The following ZNF600 variants were observed in gnomAD, a reference collection of about 807,000 sequenced individuals.
ZNF600 encodes the protein zinc finger protein 600, also known as zinc finger protein KR-ZNF1.
A neutral mutation model predicts 7.3 loss-of-function variants in ZNF600; 4 were observed. That is an observed-to-expected ratio of 0.55 (90% CI 0.27 to 1.25). ZNF600 has a LOEUF of 1.25. Among genes scored for constraint, ZNF600 ranks in the 50% most tolerant of loss-of-function variants. The pLI, the probability that ZNF600 is intolerant of heterozygous loss-of-function variation, is 0.12. For missense variants in ZNF600, 911 were observed against 922.1 expected (o/e 0.99, Z 0.16); for synonymous variants, 290 against 308.9 (o/e 0.94, Z 0.64).
the ZNF600 span, among the ~76,000 whole-genome samples, chr19:52,818,708 A>G: frequency 7.0e-4 from 59 of 84,418 alleles, no homozygotes; most frequent in African/African-American, 2.2e-3. Context: ...CTCAAAAATA[A>G]AAAAATACAA....
intron 1 of ZNF600, among the ~76,000 whole-genome samples, chr19:52,780,230 A>G (rs1264290123): frequency 1.3e-5 from 2 of 152,216 alleles, no homozygotes; most frequent in African/African-American, 4.8e-5. Flanking sequence ...GGGCAAAATA[A>G]ACTTTCTAAA....
chr19:52,814,389 A>C, the ZNF600 span: 7 of 146,468 alleles, frequency 4.8e-5, 1 homozygote, highest in Admixed American at 4.8e-4. Context: ...TCAGGAGTTC[A>C]AGACCAGCAT....
At chr19:52,809,817 G>A in the ZNF600 span, 72 of 305,360 alleles carry the variant, frequency 2.4e-4, no homozygotes, top group African/African-American at 1.2e-3. Context: ...CAGTCTGAGC[G>A]GCGAAGGCGG....
At chr19:52,816,692 G>C in the ZNF600 span, among the ~76,000 whole-genome samples, 2 of 113,898 alleles carry the variant, frequency 1.8e-5, no homozygotes, top group Non-Finnish European at 3.4e-5. Flanking sequence ...ATTAGTTGGG[G>C]ATGGTGGCGC....
intron 1 of ZNF600, among the ~76,000 whole-genome samples, chr19:52,781,958 T>G (rs2904231): frequency 0.28 from 42,080 of 151,752 alleles, 8,173 homozygotes; most frequent in African/African-American, 0.55. Context: ...CTATTCAGGA[T>G]GCTGAGGCAG....
At chr19:52,829,229 T>TTTTA in the ZNF600 span, among the ~76,000 whole-genome samples, 4 of 144,846 alleles carry the variant, frequency 2.8e-5, no homozygotes, top group Admixed American at 2.7e-4. Flanking sequence ...TTTTATTTTA[T>TTTTA]TTTACTTTAA....
the ZNF600 span, chr19:52,799,569 T>C: frequency 3.3e-6 from 5 of 1,527,522 alleles, no homozygotes; most frequent in Admixed American, 1.7e-5. Context: ...AAGGGTTGAA[T>C]TGTGATGGAA....
chr19:52,784,977 T>A (rs545639873), intron 1 of ZNF600, among the ~76,000 whole-genome samples: 1 of 152,208 alleles, frequency 6.6e-6, no homozygotes, highest in African/African-American at 2.4e-5. Context: ...ACTCAAGCAA[T>A]CCCTTTGCCT....
At chr19:52,818,402 C>G in the ZNF600 span, among the ~76,000 whole-genome samples, 1 of 152,070 alleles carries the variant, frequency 6.6e-6, no homozygotes, top group Admixed American at 6.6e-5. Flanking sequence ...CATGGAGAAA[C>G]CCTCTCTCTA....
intron 3 of ZNF600, among the ~76,000 whole-genome samples, chr19:52,774,202 G>A (rs968481355): frequency 2.0e-5 from 3 of 151,924 alleles, no homozygotes; most frequent in South Asian, 2.1e-4. Context: ...GGCCGAGGTG[G>A]GTGGATCACG....
upstream of ZNF600, among the ~76,000 whole-genome samples, chr19:52,787,941 A>T (rs1822668007): frequency 6.6e-6 from 1 of 152,078 alleles, no homozygotes; most frequent in Non-Finnish European, 1.5e-5. Context: ...AGATACCAGT[A>T]CACAGATACC....
the ZNF600 span, among the ~76,000 whole-genome samples, chr19:52,830,722 G>T: frequency 2.7e-5 from 4 of 150,128 alleles, no homozygotes; most frequent in African/African-American, 7.5e-5. Flanking sequence ...AGGGGCTCAC[G>T]GGGAAATTGG....
chr19:52,780,933 A>G (rs8101566), intron 1 of ZNF600: 41,178 of 152,054 alleles, frequency 0.27, 6,402 homozygotes, highest in African/African-American at 0.42. Flanking sequence ...GACTGCAAGG[A>G]AATGTGTTTG....
chr19:52,820,218 C>T, the ZNF600 span, among the ~76,000 whole-genome samples: 4 of 137,852 alleles, frequency 2.9e-5, 1 homozygote, highest in Admixed American at 1.5e-4. Context: ...CCCGGGTTCA[C>T]GCCATTCTCC....
At chr19:52,797,310 T>C in the ZNF600 span, 1 of 152,256 alleles carries the variant, frequency 6.6e-6, no homozygotes. Flanking sequence ...CTGTAGGATC[T>C]CACATGATGC....
chr19:52,767,038 G>A (rs1170490923), exon 4 of ZNF600: 2 of 1,614,152 alleles, frequency 1.2e-6, no homozygotes, highest in Admixed American at 1.7e-5. Context: ...ACTGCAGTGT[G>A]AAGTCTACGA....
chr19:52,813,633 C>G, the ZNF600 span, among the ~76,000 whole-genome samples: 1 of 139,298 alleles, frequency 7.2e-6, no homozygotes, highest in Non-Finnish European at 1.5e-5. Context: ...CCCCTCTTCT[C>G]TGGCCCCCTG....
chr19:52,802,901 C>T, the ZNF600 span, among the ~76,000 whole-genome samples: 1 of 150,134 alleles, frequency 6.7e-6, no homozygotes, highest in South Asian at 2.1e-4. Flanking sequence ...GCTTGGACTA[C>T]AGGCACACAC....
the ZNF600 span, among the ~76,000 whole-genome samples, chr19:52,792,938 G>C: frequency 1.3e-5 from 2 of 151,400 alleles, no homozygotes; most frequent in African/African-American, 4.9e-5. Context: ...GGGTTTCACC[G>C]TGTTTGCCAG....
Sources: gnomAD v4.1 joint callset for allele counts (sites outside exome capture counted in the v4.1 genomes callset) on GRCh38, gnomAD v4.1.1 for gene constraint, MANE v1.5 for transcripts, NCBI Gene and HGNC (gene_info 2026-07-23, HGNC 2026-07-21) for gene names.